The following DOCK9 variants were observed in gnomAD, a reference collection of about 807,000 sequenced individuals.
The protein encoded by DOCK9 is dedicator of cytokinesis 9, also known as dedicator of cytokinesis protein 9.
A neutral mutation model predicts 263.3 loss-of-function variants in DOCK9; 89 were observed. The observed-to-expected ratio is 0.34, with a 90% CI of 0.28 to 0.40. The LOEUF is 0.40. Ranked by LOEUF, DOCK9 falls within the 10% of genes least tolerant of loss-of-function variation. DOCK9 has a pLI of 1.00. For missense variants in DOCK9, 2,140 were observed against 2,603.4 expected (o/e 0.82, Z 3.87); for synonymous variants, 976 against 973.1 (o/e 1.00, Z -0.06).
chr13:99,063,913 C>T (rs753670145), intron 1 of DOCK9, among the ~76,000 whole-genome samples: 4 of 152,090 alleles, frequency 2.6e-5, no homozygotes, highest in East Asian at 1.9e-4. Flanking sequence ...GCAGGTTTCA[C>T]GCTGAGGAGC....
chr13:98,932,484 G>A (rs2054128637), intron 2 of DOCK9, among the ~76,000 whole-genome samples: 1 of 152,194 alleles, frequency 6.6e-6, no homozygotes, highest in African/African-American at 2.4e-5. Flanking sequence ...ATTTTGCTGA[G>A]AGAATCTACC....
At chr13:98,883,948 G>T in intron 21 of DOCK9, 49 bp from the exon 22 acceptor site, 1 of 1,392,402 alleles carries the variant, frequency 7.2e-7, no homozygotes, top group Non-Finnish European at 9.9e-7. Context: ...AGTTATTTTG[G>T]CTCTAACATG....
At chr13:98,813,412 A>T (rs185959199) in intron 45 of DOCK9, among the ~76,000 whole-genome samples, 237 of 152,142 alleles carry the variant, frequency 1.6e-3, no homozygotes, top group East Asian at 2.5e-3. Flanking sequence ...TCATTTTTTT[A>T]AAAAAATTAT....
chr13:99,037,289 A>G (rs1706795190), intron 1 of DOCK9, among the ~76,000 whole-genome samples: 1 of 152,218 alleles, frequency 6.6e-6, no homozygotes, highest in South Asian at 2.1e-4. Context: ...CAATAAGAAA[A>G]CCAATTAAAA....
chr13:98,971,228 C>G (rs1365970862), intron 1 of DOCK9, among the ~76,000 whole-genome samples: 4 of 152,164 alleles, frequency 2.6e-5, no homozygotes, highest in African/African-American at 9.7e-5. Flanking sequence ...TCTCTTGGCC[C>G]ACCCGTGCCA....
At chr13:98,921,140 A>G (rs368716160) in intron 6 of DOCK9, 52 bp from the exon 7 acceptor site, 420 of 1,534,458 alleles carry the variant, frequency 2.7e-4, no homozygotes, top group Admixed American at 3.0e-4. Flanking sequence ...GAGGGTCACA[A>G]TCTCTATCAA....
intron 44 of DOCK9, chr13:98,826,012 G>T: frequency 7.7e-7 from 1 of 1,291,804 alleles, no homozygotes; most frequent in Non-Finnish European, 1.0e-6. Context: ...AATGAACATG[G>T]AGCCCTTTCA....
rs1336323061 is a variant in DOCK9 at position 98,923,343 on chromosome 13, C to A, written c.445G>T (p.Val149Phe). The A allele has an allele frequency of 6.2e-7, 1 of 1,613,796 alleles. No individual in the cohort carries two copies. The highest frequency in any genetic ancestry group is 8.5e-7 in the Non-Finnish European group (1 of 1,179,832). ...NKVVKLDKLP[V>F]HVYEVDEEVD... ...TCCTCGTCAACTTCATAGACATGAA[C>A]TGGAAGTTTATCCAACTTGACCACT... Residue 149 changes from valine to phenylalanine, a missense_variant, in exon 5 of 53, where the codon GTT (valine) becomes TTT (phenylalanine). Val to Phe is a conservative substitution (Grantham distance 50). Coordinates refer to ENST00000682017, the MANE Select transcript of DOCK9 (RefSeq NM_001366683.2).
At chr13:98,811,434 T>TA (rs397704367) in intron 45 of DOCK9, among the ~76,000 whole-genome samples, 14 of 151,904 alleles carry the variant, frequency 9.2e-5, no homozygotes, top group African/African-American at 3.4e-4. Flanking sequence ...GTTTTTTTTT[T>TA]AATATTAAAT....
At chr13:98,839,410 A>G (rs1423219512) in intron 38 of DOCK9, among the ~76,000 whole-genome samples, 1 of 152,238 alleles carries the variant, frequency 6.6e-6, no homozygotes, top group Non-Finnish European at 1.5e-5. Context: ...GAAAACAAAC[A>G]GGTCGATGAT....
chr13:98,844,381 T>C (rs2093326158), intron 38 of DOCK9, among the ~76,000 whole-genome samples: 1 of 148,958 alleles, frequency 6.7e-6, no homozygotes, highest in Non-Finnish European at 1.5e-5. Flanking sequence ...ATTTTTTTTT[T>C]GAGATAGGGT....
intron 1 of DOCK9, among the ~76,000 whole-genome samples, chr13:99,079,395 G>A (rs752296146): frequency 3.9e-5 from 6 of 152,280 alleles, no homozygotes; most frequent in Non-Finnish European, 8.8e-5. Flanking sequence ...TCGAGGTAAC[G>A]TAACCTGTGT....
intron 15 of DOCK9, among the ~76,000 whole-genome samples, chr13:98,893,642 T>C (rs935588123): frequency 5.3e-5 from 8 of 152,268 alleles, no homozygotes; most frequent in African/African-American, 7.2e-5. Flanking sequence ...CATTATTAAA[T>C]AACATTTTGA....
chr13:98,931,773 T>G (rs2053982783), intron 2 of DOCK9, among the ~76,000 whole-genome samples: 1 of 151,962 alleles, frequency 6.6e-6, no homozygotes, highest in South Asian at 2.1e-4. Flanking sequence ...AATTTTTGTA[T>G]TTTTAGTACA....
intron 1 of DOCK9, among the ~76,000 whole-genome samples, chr13:99,038,293 T>C (rs1421531836): frequency 5.2e-3 from 291 of 55,950 alleles, no homozygotes; most frequent in South Asian, 0.012. Context: ...CCCCCCTTTT[T>C]TTTTTTTTTT....
At chr13:99,052,234 G>A (rs1045326204) in intron 1 of DOCK9, among the ~76,000 whole-genome samples, 2 of 152,146 alleles carry the variant, frequency 1.3e-5, no homozygotes, top group East Asian at 3.9e-4. Context: ...AGGTAGGAGT[G>A]TGCCCTGTCT....
chr13:98,884,824 C>T lies in DOCK9; in HGVS notation c.2382+147G>A, dbSNP rs557333369. The T allele has an allele frequency of 3.2e-5, 34 of 1,057,020 alleles. No homozygotes were observed. The African/African-American group carries it at 3.7e-4, about 11-fold the overall frequency. 65.5% of individuals were successfully genotyped at this position (1,057,020 alleles called of 1,614,324 possible). ...TGCTAACAGCACTGTCTTCAATTGG[C>T]CAAAGTTTACTTGAAAATGAATAAC... On this transcript the variant is annotated intron_variant, in intron 21 of 52. Transcript: ENST00000682017.
rs1168845776 is a variant in DOCK9, at chr13:98,886,599, G to A, written c.2069C>T (p.Pro690Leu). The change falls in exon 19 of 53, where the codon CCA becomes CTA. Residue 690 changes from proline to leucine, a missense_variant. Coordinates refer to ENST00000682017, the MANE Select transcript of DOCK9 (RefSeq NM_001366683.2). The part of the protein sequence containing the change: ...LKCIYGRPGG[P>L]VFTRSAFAAV... ...AGCAAAGGCGCTTCTTGTGAAAACTGGCCCACCAGGTCTGCCATAAATGCA... is the reference window on the plus strand; with the variant it reads ...AGCAAAGGCGCTTCTTGTGAAAACTAGCCCACCAGGTCTGCCATAAATGCA... 1.2e-6 allele frequency: 2 copies of A among 1,613,684 alleles called. No individual in the cohort carries two copies. The highest frequency in any genetic ancestry group is 2.7e-5 in the African/African-American group (2 of 74,914).
At chr13:98,912,423 A>T (rs898440570) in intron 9 of DOCK9, among the ~76,000 whole-genome samples, 6 of 152,208 alleles carry the variant, frequency 3.9e-5, no homozygotes, top group African/African-American at 1.4e-4. Context: ...CCTCAATAAA[A>T]AGAATAAAAA....
Sources: allele counts gnomAD v4.1 joint callset (sites outside exome capture counted in the v4.1 genomes callset), GRCh38; gene constraint gnomAD v4.1.1; transcripts MANE v1.5; gene names NCBI Gene and HGNC (gene_info 2026-07-23, HGNC 2026-07-21).